Variants in ASB15 observed in about 807,000 individuals in gnomAD.
The protein encoded by ASB15 is ankyrin repeat and SOCS box containing 15, also known as ankyrin repeat and SOCS box protein 15.
In ASB15, 54 loss-of-function variants were observed where a neutral mutation model predicts 58.0. The ratio of observed to expected loss-of-function variants is 0.93; its 90% CI spans 0.75 to 1.17. ASB15 has a LOEUF of 1.17. Ranked by LOEUF, ASB15 falls within the 50% of genes most tolerant of loss-of-function variation. The pLI, the probability that ASB15 is intolerant of heterozygous loss-of-function variation, is 0.00. For missense variants in ASB15, 680 were observed against 707.4 expected (o/e 0.96, Z 0.44); for synonymous variants, 249 against 262.4 (o/e 0.95, Z 0.50).
At position 123,637,917 on chromosome 7, in the gene ASB15, A is replaced by G. The variant is rs1221137862; in HGVS notation, c.*936A>G. 1 of 150,070 alleles carries G rather than the reference A, an allele frequency of 6.7e-6. No homozygotes were observed. The highest frequency in any genetic ancestry group is 1.5e-5 in the Non-Finnish European group (1 of 67,908). The allele number at this position is 150,070 out of a possible 1,614,324, so 9.3% of individuals were successfully genotyped here. A position where few individuals can be genotyped will look rare whatever the true frequency, so the allele number is the denominator to read the frequency against. On this transcript the variant is annotated 3_prime_UTR_variant, in exon 12 of 12. Coordinates refer to ENST00000451215, the MANE Select transcript of ASB15 (RefSeq NM_001290258.2). Reference sequence around the variant, plus strand: ...AAAAAAAAACCTCTTTCCCGAGCTCAGTAGTTAGCACAATGCTCAATTCAG... The same window carrying G: ...AAAAAAAAACCTCTTTCCCGAGCTCGGTAGTTAGCACAATGCTCAATTCAG...
At chr7:123,612,070 G>T (rs540802797) in intron 3 of ASB15, among the ~76,000 whole-genome samples, 1 of 152,272 alleles carries the variant, frequency 6.6e-6, no homozygotes, top group Admixed American at 6.5e-5. Context: ...TTCAAACAGG[G>T]TTAGATTTAA....
chr7:123,622,680 A>G (rs184511472), intron 7 of ASB15: 2 of 152,308 alleles, frequency 1.3e-5, no homozygotes, highest in East Asian at 3.9e-4. Context: ...TCTAATTATA[A>G]AAACTGCCAT....
At chr7:123,582,894 C>T (rs1799275766) in intron 1 of ASB15, among the ~76,000 whole-genome samples, 1 of 151,930 alleles carries the variant, frequency 6.6e-6, no homozygotes, top group South Asian at 2.1e-4. Context: ...GAGGAATATA[C>T]CTCATTTAGA....
intron 1 of ASB15, among the ~76,000 whole-genome samples, chr7:123,567,343 T>C (rs1798789218): frequency 6.6e-6 from 1 of 152,134 alleles, no homozygotes; most frequent in South Asian, 2.1e-4. Flanking sequence ...AGGAGATGAA[T>C]GTTGGGAAGT....
intron 7 of ASB15, among the ~76,000 whole-genome samples, chr7:123,623,907 GAA>G (rs1801519292): frequency 1.2e-5 from 1 of 86,870 alleles, no homozygotes; most frequent in Non-Finnish European, 2.3e-5. Flanking sequence ...AGAATGGAAG[GAA>G]GGAAGGAAGG....
At chr7:123,570,696 G>C (rs1186908392) in intron 1 of ASB15, among the ~76,000 whole-genome samples, 2 of 148,306 alleles carry the variant, frequency 1.3e-5, no homozygotes, top group Non-Finnish European at 3.0e-5. Context: ...AGTTCTGCAA[G>C]GAACCACTGC....
chr7:123,621,818 T>C (rs557933060), intron 7 of ASB15, among the ~76,000 whole-genome samples: 1 of 152,186 alleles, frequency 6.6e-6, no homozygotes, highest in African/African-American at 2.4e-5. Context: ...TTTTTGCACT[T>C]GGACTCCTTC....
In ASB15 at chr7:123,636,922, C is replaced by A. The variant is rs1020320469; in HGVS notation, c.1708C>A (p.Gln570Lys). The change falls in exon 12 of 12, where the codon CAA (glutamine) becomes AAA (lysine). Residue 570 changes from glutamine (Q) to lysine (K), a missense_variant. Gln to Lys is a moderately conservative substitution (Grantham distance 53, BLOSUM62 1). Coordinates refer to ENST00000451215, the MANE Select transcript of ASB15 (RefSeq NM_001290258.2). ...GAAGCTTCCTCTACCACCAGCTATTCAAAGATACATATTATTTAAAGAGTA... is the reference window on the plus strand; with the variant it reads ...GAAGCTTCCTCTACCACCAGCTATTAAAAGATACATATTATTTAAAGAGTA... ...VEKLPLPPAI[Q>K]RYILFKEYDL... The A allele has an allele frequency of 6.3e-7, 1 of 1,586,246 alleles. No homozygotes were observed. The highest frequency in any genetic ancestry group is 1.7e-5 in the Admixed American group (1 of 59,956).
chr7:123,607,377 A>G (rs1800200602), intron 2 of ASB15, among the ~76,000 whole-genome samples: 1 of 152,146 alleles, frequency 6.6e-6, no homozygotes, highest in Non-Finnish European at 1.5e-5. Context: ...CAAATTTCCT[A>G]TTTTGGGACA....
At chr7:123,609,284 C>T (rs1023425455) in intron 3 of ASB15, among the ~76,000 whole-genome samples, 1 of 152,152 alleles carries the variant, frequency 6.6e-6, no homozygotes, top group Non-Finnish European at 1.5e-5. Flanking sequence ...TAGCCTTAAA[C>T]TTTCTGCCAT....
chr7:123,637,372 A>G lies in ASB15; in HGVS notation c.*391A>G, dbSNP rs147957978. The G allele has an allele frequency of 2.5e-4, 40 of 156,908 alleles. No homozygotes were observed. Among genetic ancestry groups the G allele is most frequent in the Non-Finnish European group, 4.6e-4 (33 of 70,976 alleles). 9.7% of individuals were successfully genotyped at this position (156,908 alleles called of 1,614,324 possible). On this transcript the variant is annotated 3_prime_UTR_variant, in exon 12 of 12. Coordinates refer to ENST00000451215, the MANE Select transcript of ASB15 (RefSeq NM_001290258.2). ...TGTAAAAGAGCTCCTCCTGCCTGTA[A>G]GTTCACAGACTGTGATCTGGCATCT... is the stretch of plus-strand genomic sequence containing the variant.
chr7:123,572,785 T>C (rs805777), intron 1 of ASB15, among the ~76,000 whole-genome samples: 31,908 of 151,950 alleles, frequency 0.21, 3,539 homozygotes, highest in East Asian at 0.36. Flanking sequence ...AGATGAGTTT[T>C]ATACATTTGT....
At chr7:123,594,325 G>A (rs1397678452) in intron 1 of ASB15, among the ~76,000 whole-genome samples, 1 of 152,038 alleles carries the variant, frequency 6.6e-6, no homozygotes, top group South Asian at 2.1e-4. Context: ...TCCCTTGCTG[G>A]CAAGGAGTTG....
intron 1 of ASB15, among the ~76,000 whole-genome samples, chr7:123,578,785 C>T (rs1227646193): frequency 2.6e-5 from 4 of 152,094 alleles, no homozygotes; most frequent in Admixed American, 1.3e-4. Flanking sequence ...TGAATCATTG[C>T]TATCTTTAAA....
At chr7:123,572,702 A>C (rs541541686) in intron 1 of ASB15, among the ~76,000 whole-genome samples, 1 of 125,818 alleles carries the variant, frequency 7.9e-6, no homozygotes, top group Admixed American at 7.4e-5. Context: ...TATTCACTCT[A>C]TCTCTTTTTT....
At chr7:123,625,022 A>G in intron 8 of ASB15, 1 of 575,116 alleles carries the variant, frequency 1.7e-6, no homozygotes, top group South Asian at 2.0e-5. Context: ...TGACCTACGA[A>G]TTTACAAGCC....
chr7:123,619,523 C>T (rs1389987551), intron 7 of ASB15, among the ~76,000 whole-genome samples: 1 of 152,058 alleles, frequency 6.6e-6, no homozygotes, highest in African/African-American at 2.4e-5. Context: ...CTGGTTCCTT[C>T]TTGCCTACTC....
intron 4 of ASB15, 109 bp downstream of exon 4, chr7:123,614,718 T>C (rs1800687764): frequency 1.3e-6 from 1 of 765,308 alleles, no homozygotes; most frequent in Admixed American, 2.2e-5. Flanking sequence ...AATTGACCTT[T>C]CCTTTCTGAT....
chr7:123,613,773 G>A (rs1274958647), intron 3 of ASB15, among the ~76,000 whole-genome samples: 1 of 152,164 alleles, frequency 6.6e-6, no homozygotes, highest in African/African-American at 2.4e-5. Context: ...GACCAGGCAT[G>A]GTGGCTCACA....
Sources: allele counts gnomAD v4.1 joint callset (sites outside exome capture counted in the v4.1 genomes callset), GRCh38; gene constraint gnomAD v4.1.1; transcripts MANE v1.5; gene names NCBI Gene and HGNC (gene_info 2026-07-23, HGNC 2026-07-21).